SYMPK: variants seen among roughly 807,000 people sequenced by gnomAD.
SYMPK encodes symplekin scaffold protein, also known as symplekin.
SYMPK carries 49 observed loss-of-function variants against 136.4 expected under a neutral mutation model. That is an observed-to-expected ratio of 0.36 (90% CI 0.29 to 0.46). The LOEUF is 0.46. Ranked by LOEUF, SYMPK falls within the 20% of genes least tolerant of loss-of-function variation. The pLI is 1.00. For synonymous variants in SYMPK, 766 were observed against 713.0 expected (o/e 1.07, Z -1.19); for missense variants, 1,365 against 1,690.0 (o/e 0.81, Z 3.37).
At chr19:45,835,473 CAAG>C (rs1021730306) in intron 10 of SYMPK, among the ~76,000 whole-genome samples, 2 of 152,152 alleles carry the variant, frequency 1.3e-5, no homozygotes, top group African/African-American at 4.8e-5. Flanking sequence ...GCTCCCTGTG[CAAG>C]AAGCACCTAG....
intron 6 of SYMPK, 141 bp from the exon 7 acceptor site, chr19:45,848,142 TCTGCCCCAGCCCA>T (rs1971612541): frequency 8.9e-7 from 1 of 1,129,158 alleles, no homozygotes; most frequent in Admixed American, 2.8e-5. Flanking sequence ...GAGTTCCAAC[TCTGCCCCAGCCCA>T]GTGCTCGGTG....
At position 45,838,528 on chromosome 19, in the gene SYMPK, T is replaced by C. The variant is rs1438744857; in HGVS notation, c.1175A>G (p.Gln392Arg). The change falls in exon 10 of 27, where the codon CAG becomes CGG. Residue 392 changes from glutamine (Q) to arginine (R), a missense_variant. Physicochemically the swap from Gln to Arg is conservative, Grantham distance 43 (BLOSUM62 1). Transcript: ENST00000245934. ...TSKASAQISG[Q>R]SDTDITAEFL... is the part of the protein sequence containing the mutation. ...CTCAGCTGTGATGTCCGTGTCTGACTGGCCGGAGATCTGCGCTGAGGCCTT... is the reference window on the plus strand; with the variant it reads ...CTCAGCTGTGATGTCCGTGTCTGACCGGCCGGAGATCTGCGCTGAGGCCTT... 2 of 1,614,164 alleles carry C rather than the reference T, an allele frequency of 1.2e-6. No homozygotes were observed. The highest frequency in any genetic ancestry group is 1.7e-6 in the Non-Finnish European group (2 of 1,180,018).
At chr19:45,816,322 C>G (rs1970735742) in intron 25 of SYMPK, 139 bp from the exon 26 acceptor site, 3 of 1,182,500 alleles carry the variant, frequency 2.5e-6, no homozygotes, top group Admixed American at 5.6e-5. Context: ...TCCCCCAGAC[C>G]CCCAACTCCC....
At chr19:45,817,243 G>A (rs1456048525) in intron 23 of SYMPK, 2 of 452,864 alleles carry the variant, frequency 4.4e-6, no homozygotes, top group Admixed American at 4.3e-5. Context: ...CAGGCTAAGT[G>A]CTGCGGGAGC....
In SYMPK at chr19:45,823,788, G is replaced by A. The variant is rs750804614; in HGVS notation, c.2578C>T (p.Leu860=). ...TCACCTTTGTCTGTGAGGCTGTGCA[G>A]ACATCTCGTGACCAGTGTCTCTGCT... ...KGAETLVTRC[L]HSLTDKVPPS... is the part of the protein sequence containing the mutation. The change falls in exon 19 of 27, where the codon CTG becomes TTG. Residue 860 remains leucine, a synonymous_variant. Coordinates refer to ENST00000245934, the MANE Select transcript of SYMPK (RefSeq NM_004819.3). The A allele has an allele frequency of 1.2e-5, 19 of 1,613,988 alleles. No homozygotes were observed. In the South Asian group the frequency reaches 1.9e-4, roughly 16 times the overall value.
Position 45,816,953 on chromosome 19 carries a change from AC to A in SYMPK, c.3102del (p.Trp1035GlyfsTer61). On this transcript the variant is annotated frameshift_variant, in exon 24 of 27. Transcript: ENST00000245934. LOFTEE classifies it high-confidence loss of function. ...IMKQVWKYPK[V>X]WEGFIKCCQR... Reference sequence around the variant, plus strand: ...TGGCAGCACTTGATGAAGCCCTCCCACACCTTGGGGTACTTCCACACCTGAA... The same window carrying A: ...TGGCAGCACTTGATGAAGCCCTCCCAACCTTGGGGTACTTCCACACCTGAA... 6.4e-7 allele frequency: 1 copy of A among 1,561,676 alleles called. No homozygotes were observed. The highest frequency in any genetic ancestry group is 8.7e-7 in the Non-Finnish European group (1 of 1,152,854).
In SYMPK at chr19:45,816,466, G is replaced by A; in HGVS notation, c.3354+16C>T. 6.2e-7 allele frequency: 1 copy of A among 1,606,208 alleles called. No homozygotes were observed. Among genetic ancestry groups the A allele is most frequent in the Non-Finnish European group, 8.5e-7 (1 of 1,178,608 alleles). On this transcript the variant is annotated intron_variant, in intron 25 of 26. Coordinates refer to ENST00000245934, the MANE Select transcript of SYMPK (RefSeq NM_004819.3). ...GGAGTCTGGGGATCCAGATGGGTGG[G>A]CTGCAGGGCCCTCACCTCCTCCAAG...
intron 7 of SYMPK, 117 bp from the exon 8 acceptor site, chr19:45,844,317 C>T (rs1477618297): frequency 2.0e-5 from 15 of 759,104 alleles, no homozygotes; most frequent in East Asian, 5.8e-5. Context: ...CTATGAATGG[C>T]GGGAAAAACA....
In SYMPK at chr19:45,821,881, C is replaced by A. The variant is rs1402600423; in HGVS notation, c.2792-396G>T. Among the ~76,000 whole-genome samples the A allele has an allele frequency of 1.3e-5, 2 of 152,100 alleles. No individual in the cohort carries two copies. Among genetic ancestry groups the A allele is most frequent in the Non-Finnish European group, 1.5e-5 (1 of 68,026 alleles). ...GGGCAAGATGGAGCCAGGCTACAGG[C>A]TTCCAAAAAGTGGCTGGAGCCTTCT... On this transcript the variant is annotated intron_variant, in intron 21 of 26. Transcript: ENST00000245934. This position sits in a 1 kb window ranked among gnomAD's most constrained non-coding sequence, Gnocchi z 4.4.
chr19:45,856,541 C>T (rs1302755345), intron 1 of SYMPK, among the ~76,000 whole-genome samples: 1 of 152,140 alleles, frequency 6.6e-6, no homozygotes, highest in Non-Finnish European at 1.5e-5. Context: ...CAGGGCTTAC[C>T]TCCCAAGACT....
At chr19:45,828,748 G>A (rs1213342858) in intron 14 of SYMPK, 4 of 584,586 alleles carry the variant, frequency 6.8e-6, no homozygotes, top group Non-Finnish European at 6.1e-6. Flanking sequence ...GCAAGTGGCA[G>A]AGCTGAGGAA....
intron 1 of SYMPK, chr19:45,862,450 AGAAC>A (rs1971990172): frequency 6.6e-6 from 1 of 152,274 alleles, no homozygotes; most frequent in Non-Finnish European, 1.5e-5. Context: ...CGCTGTGCTG[AGAAC>A]ACAGTGGCGA....
chr19:45,823,587 T>C (rs1970961306), intron 19 of SYMPK, 115 bp from the exon 20 acceptor site: 2 of 1,077,510 alleles, frequency 1.9e-6, no homozygotes, highest in Non-Finnish European at 2.8e-6. Flanking sequence ...AACTTCACCC[T>C]TGGCTGCTCA....
At chr19:45,857,815 TTA>T (rs1491184687) in intron 1 of SYMPK, among the ~76,000 whole-genome samples, 2 of 149,276 alleles carry the variant, frequency 1.3e-5, no homozygotes, top group East Asian at 4.0e-4. Flanking sequence ...TTTTTTTTTT[TTA>T]GATGGAATTT....
intron 3 of SYMPK, 43 bp downstream of exon 3, chr19:45,854,132 T>C (rs1332129946): frequency 9.4e-6 from 15 of 1,596,524 alleles, no homozygotes; most frequent in Non-Finnish European, 1.3e-5. Context: ...CCCAGCCTCC[T>C]CCCTTTCACC....
At chr19:45,836,971 A>G (rs1463575332) in intron 10 of SYMPK, among the ~76,000 whole-genome samples, 1 of 152,222 alleles carries the variant, frequency 6.6e-6, no homozygotes, top group Non-Finnish European at 1.5e-5. Context: ...TCAGATGGAA[A>G]ATCAAATCCT....
intron 10 of SYMPK, among the ~76,000 whole-genome samples, chr19:45,837,616 CA>C (rs58960244): frequency 1.7e-3 from 134 of 77,534 alleles, no homozygotes; most frequent in East Asian, 2.9e-3. Flanking sequence ...GACTCTGCCT[CA>C]AAAAAAAAAA....
At chr19:45,854,277 C>G in intron 2 of SYMPK, 37 bp from the exon 3 acceptor site, 1 of 1,611,444 alleles carries the variant, frequency 6.2e-7, no homozygotes, top group Non-Finnish European at 8.5e-7. Context: ...TAGTGCCAGC[C>G]CAGTCCAGCC....
intron 1 of SYMPK, among the ~76,000 whole-genome samples, chr19:45,856,516 A>G (rs1177528313): frequency 1.3e-5 from 2 of 152,190 alleles, no homozygotes. Context: ...CTCTTCTAGG[A>G]AACAGGGATA....
Sources: gnomAD v4.1 joint callset for allele counts (sites outside exome capture counted in the v4.1 genomes callset) on GRCh38, gnomAD v4.1.1 for gene constraint, Gnocchi (gnomAD v3.1) non-coding constraint, MANE v1.5 for transcripts, NCBI Gene and HGNC (gene_info 2026-07-23, HGNC 2026-07-21) for gene names.